KCNJ3: variants seen among roughly 807,000 people sequenced by gnomAD.
The protein encoded by KCNJ3 is potassium inwardly rectifying channel subfamily J member 3.
KCNJ3 carries 4 observed loss-of-function variants against 39.2 expected under a neutral mutation model. The ratio of observed to expected loss-of-function variants is 0.10; its 90% CI spans 0.05 to 0.23. KCNJ3 has a LOEUF of 0.23. Ranked by LOEUF, KCNJ3 falls within the 10% of genes least tolerant of loss-of-function variation. The probability of loss-of-function intolerance (pLI) is 1.00; values close to 1 mark genes in which losing one functional copy is unlikely to be tolerated. For missense variants in KCNJ3, 276 were observed against 634.9 expected, an observed-to-expected ratio of 0.43 and a Z score of 6.08; for synonymous variants, 230 against 237.4, an observed-to-expected ratio of 0.97 and a Z score of 0.29.
chr2:154,791,204 C>A (rs1436563568), intron 2 of KCNJ3, among the ~76,000 whole-genome samples: 1 of 151,946 alleles, frequency 6.6e-6, no homozygotes, highest in African/African-American at 2.4e-5. Context: ...AAATACATCA[C>A]CTAAGAATTG....
rs192109035 is a variant in KCNJ3 at position 154,708,822 on chromosome 2, C to T, written c.703-781C>T. On this transcript the variant is annotated intron_variant, in intron 1 of 2. Coordinates refer to ENST00000295101, the MANE Select transcript of KCNJ3 (RefSeq NM_002239.4). ...TTATACCGAAACTGAATGCCACTAC[C>T]TTAGAAACCTTTTATTAAACTATGT... 2.9e-3 allele frequency among the ~76,000 whole-genome samples: 446 copies of T among 152,206 alleles called. 7 individuals carry two copies. The highest frequency in any genetic ancestry group is 9.4e-4 in the Non-Finnish European group (64 of 67,994).
chr2:154,716,084 T>A (rs893296085), intron 2 of KCNJ3, among the ~76,000 whole-genome samples: 25 of 151,780 alleles, frequency 1.6e-4, no homozygotes, highest in Admixed American at 7.9e-4. Flanking sequence ...AATTATTTTA[T>A]TTTTTCATTA....
intron 2 of KCNJ3, among the ~76,000 whole-genome samples, chr2:154,784,589 G>A (rs1030224105): frequency 6.6e-6 from 1 of 152,050 alleles, no homozygotes; most frequent in African/African-American, 2.4e-5. Context: ...CACCATGTTG[G>A]CCAGGCTGGT....
intron 2 of KCNJ3, among the ~76,000 whole-genome samples, chr2:154,824,548 A>T (rs1687237433): frequency 6.6e-6 from 1 of 152,168 alleles, no homozygotes; most frequent in Admixed American, 6.5e-5. Flanking sequence ...AAGTGATTTT[A>T]AAGTCAAGGA....
At chr2:154,730,345 A>G (rs1685429649) in intron 2 of KCNJ3, among the ~76,000 whole-genome samples, 1 of 152,104 alleles carries the variant, frequency 6.6e-6, no homozygotes, top group African/African-American at 2.4e-5. Context: ...GAAATGAAGG[A>G]ATGGATAATC....
At chr2:154,756,264 A>G (rs1211458518) in intron 2 of KCNJ3, among the ~76,000 whole-genome samples, 1 of 152,146 alleles carries the variant, frequency 6.6e-6, no homozygotes, top group Non-Finnish European at 1.5e-5. Flanking sequence ...TGTCATATAT[A>G]TTATTTCTTA....
chr2:154,753,473 G>A (rs1203273888), intron 2 of KCNJ3, among the ~76,000 whole-genome samples: 3 of 152,106 alleles, frequency 2.0e-5, no homozygotes, highest in East Asian at 3.9e-4. Context: ...CCAGATTTTA[G>A]CACTGAAGTA....
chr2:154,842,637 A>G, intron 2 of KCNJ3, among the ~76,000 whole-genome samples: 1 of 152,198 alleles, frequency 6.6e-6, no homozygotes, highest in Non-Finnish European at 1.5e-5. Context: ...TATTGGGTGC[A>G]TATATATTTA....
Position 154,723,133 on chromosome 2 carries a change from A to G in KCNJ3, c.919+13314A>G, listed in dbSNP as rs912575858. Reference sequence around the variant, plus strand: ...CCCTCTATCTGCAAAAATTACAAAAATAATAGTGGGATGTGGTGGCACGTG... The same window carrying G: ...CCCTCTATCTGCAAAAATTACAAAAGTAATAGTGGGATGTGGTGGCACGTG... On this transcript the variant is annotated intron_variant, in intron 2 of 2. Coordinates refer to ENST00000295101, the MANE Select transcript of KCNJ3 (RefSeq NM_002239.4). 5.3e-5 allele frequency among the ~76,000 whole-genome samples: 8 copies of G among 152,070 alleles called. 1 individual carries two copies. The highest frequency in any genetic ancestry group is 5.2e-4 in the Admixed American group (8 of 15,268).
chr2:154,803,024 G>A (rs1244936220), intron 2 of KCNJ3, among the ~76,000 whole-genome samples: 1 of 151,994 alleles, frequency 6.6e-6, no homozygotes, highest in African/African-American at 2.4e-5. Flanking sequence ...TGGAACTAAT[G>A]ATGAAAAGAA....
rs954793904 is a variant in KCNJ3 at position 154,794,507 on chromosome 2, C to A, written c.920-60220C>A. Among the ~76,000 whole-genome samples, 5 of 152,062 alleles carry A rather than the reference C, an allele frequency of 3.3e-5. No individual in the cohort carries two copies. In the East Asian group the frequency reaches 9.7e-4, roughly 29 times the overall value. On this transcript the variant is annotated intron_variant, in intron 2 of 2. Coordinates refer to ENST00000295101, the MANE Select transcript of KCNJ3 (RefSeq NM_002239.4). ...GGTTGGTGCTTGTTCCAAGTTAGAG[C>A]AGCATGCAATATGTTGCAGTATGAC...
At chr2:154,811,667 T>C (rs1687009691) in intron 2 of KCNJ3, among the ~76,000 whole-genome samples, 1 of 152,112 alleles carries the variant, frequency 6.6e-6, no homozygotes, top group African/African-American at 2.4e-5. Flanking sequence ...CACTCCACTA[T>C]ACCATTGTTA....
At chr2:154,824,265 G>A (rs1209893207) in intron 2 of KCNJ3, among the ~76,000 whole-genome samples, 2 of 152,194 alleles carry the variant, frequency 1.3e-5, no homozygotes, top group East Asian at 1.9e-4. Context: ...GAGCCTGGGA[G>A]GTCATGGGTG....
At chr2:154,836,377 GTTAT>G (rs1687463737) in intron 2 of KCNJ3, among the ~76,000 whole-genome samples, 1 of 151,680 alleles carries the variant, frequency 6.6e-6, no homozygotes, top group Non-Finnish European at 1.5e-5. Context: ...CATTTCATAT[GTTAT>G]TTGTCTCAGC....
chr2:154,781,535 G>A (rs1002452877), intron 2 of KCNJ3, among the ~76,000 whole-genome samples: 30 of 152,102 alleles, frequency 2.0e-4, no homozygotes, highest in African/African-American at 6.0e-4. Flanking sequence ...AACAAAGTAC[G>A]GATGCAAGAA....
chr2:154,707,105 C>T (rs1046057684), intron 1 of KCNJ3, among the ~76,000 whole-genome samples: 1 of 151,970 alleles, frequency 6.6e-6, no homozygotes, highest in Non-Finnish European at 1.5e-5. Context: ...ATATAGTATC[C>T]ACTGGATACA....
intron 2 of KCNJ3, among the ~76,000 whole-genome samples, chr2:154,713,512 C>T (rs771592534): frequency 2.0e-5 from 3 of 152,116 alleles, no homozygotes; most frequent in Non-Finnish European, 4.4e-5. Flanking sequence ...GAGAAATTAG[C>T]TTCCTAATTT....
chr2:154,782,706 A>G (rs1390681477), intron 2 of KCNJ3, among the ~76,000 whole-genome samples: 6 of 152,182 alleles, frequency 3.9e-5, no homozygotes, highest in East Asian at 1.9e-4. Flanking sequence ...GAAGAGTGAT[A>G]TGGTTTTCTC....
chr2:154,786,203 TA>T (rs576176776), intron 2 of KCNJ3, among the ~76,000 whole-genome samples: 130 of 152,310 alleles, frequency 8.5e-4, no homozygotes, highest in Admixed American at 4.1e-3. Flanking sequence ...TACATTTATT[TA>T]GAGATAAAAT....
Sources: gnomAD v4.1 joint callset for allele counts (sites outside exome capture counted in the v4.1 genomes callset) on GRCh38, gnomAD v4.1.1 for gene constraint, MANE v1.5 for transcripts, NCBI Gene and HGNC (gene_info 2026-07-23, HGNC 2026-07-21) for gene names.